LY9: variants seen among roughly 807,000 people sequenced by gnomAD.
The protein encoded by LY9 is T-lymphocyte surface antigen Ly-9.
Under a neutral mutation model 64.6 loss-of-function variants are expected in LY9, and 59 were observed. That is an observed-to-expected ratio of 0.91 (90% confidence interval 0.74 to 1.13). The LOEUF is 1.13. LY9 is among the 50% of genes most tolerant of loss of function. The pLI, the probability that LY9 is intolerant of heterozygous loss-of-function variation, is 0.00. For synonymous variants in LY9, 281 were observed against 308.5 expected, an observed-to-expected ratio of 0.91 and a Z score of 0.93; for missense variants, 789 against 797.2, an observed-to-expected ratio of 0.99 and a Z score of 0.12.
intron 4 of LY9, among the ~76,000 whole-genome samples, chr1:160,815,810 C>A (rs1318248376): frequency 6.6e-6 from 1 of 152,218 alleles, no homozygotes; most frequent in Non-Finnish European, 1.5e-5. Context: ...AGAAGGTGGG[C>A]CACTCAGTTC....
At chr1:160,826,429 T>C (rs1303936798) in intron 9 of LY9, among the ~76,000 whole-genome samples, 3 of 152,244 alleles carry the variant, frequency 2.0e-5, no homozygotes, top group African/African-American at 7.2e-5. Context: ...TTATGCCTGG[T>C]GTTCCATTAT....
At chr1:160,820,560 G>A (rs1211787847) in intron 7 of LY9, among the ~76,000 whole-genome samples, 3 of 152,150 alleles carry the variant, frequency 2.0e-5, no homozygotes, top group African/African-American at 7.2e-5. Context: ...AAGAGACAGG[G>A]GGCAAGGAAG....
At chr1:160,823,401 G>T (rs772091766) in intron 7 of LY9, 64 bp from the exon 8 acceptor site, 2 of 1,312,070 alleles carry the variant, frequency 1.5e-6, no homozygotes, top group Non-Finnish European at 1.1e-6. Context: ...CTGGGGCCTT[G>T]CAGCAAAGCA....
rs201757769 is a variant in LY9, at chr1:160,813,831, A to G, written c.650A>G (p.Asp217Gly). The change falls in exon 3 of 10, where the codon GAC becomes GGC. Residue 217 changes from aspartate to glycine, a missense_variant. By Grantham distance (94) the Asp-to-Gly change is moderately conservative. Coordinates refer to ENST00000263285, the MANE Select transcript of LY9 (RefSeq NM_002348.4). ...LTVSRTPCDP[D>G]LPYICTAQNP... is the part of the protein sequence containing the mutation. ...GTCTCCCGAACACCATGTGACCCAG[A>G]CCTGCCATACATCTGCACAGCCCAG... 1.9e-6 allele frequency: 3 copies of G among 1,613,320 alleles called. No individual in the cohort carries two copies. In the African/African-American group the frequency reaches 4.0e-5, roughly 22 times the overall value.
At position 160,796,252 on chromosome 1, in the gene LY9, G is replaced by A. The variant is rs752422584; in HGVS notation, c.65G>A (p.Arg22Lys). The A allele has an allele frequency of 6.2e-7, 1 of 1,614,028 alleles. No homozygotes were observed. The highest frequency in any genetic ancestry group is 8.5e-7 in the Non-Finnish European group (1 of 1,180,000). ...APGPFSSKPQ[R>K]SQLQIFSSVL... ...GGGCCTTTCTCCAGTAAGCCACAGAGGAGTCAGCTGCAAATATTCTCTTCT... is the reference window on the plus strand; with the variant it reads ...GGGCCTTTCTCCAGTAAGCCACAGAAGAGTCAGCTGCAAATATTCTCTTCT... The change falls in exon 1 of 10, where the codon AGG becomes AAG. Residue 22 changes from arginine to lysine, a missense_variant. Transcript: ENST00000263285.
intron 1 of LY9, chr1:160,799,434 G>C: frequency 3.8e-6 from 1 of 264,592 alleles, no homozygotes; most frequent in East Asian, 8.4e-5. Flanking sequence ...GCAGGTATGA[G>C]CATTTCAATC....
chr1:160,813,836 CCATACAT>C lies in LY9; in HGVS notation c.657_663del (p.Tyr220AlafsTer37). ...CCGAACACCATGTGACCCAGACCTG[CCATACAT>C]CTGCACAGCCCAGAACCCCGTCAGC... is the stretch of plus-strand genomic sequence containing the variant. On this transcript the variant is annotated frameshift_variant, in exon 3 of 10. Coordinates refer to ENST00000263285, the MANE Select transcript of LY9 (RefSeq NM_002348.4). LOFTEE classifies it high-confidence loss of function. The C allele has an allele frequency of 6.2e-7, 1 of 1,614,212 alleles. No homozygotes were observed. The highest frequency in any genetic ancestry group is 1.1e-5 in the South Asian group (1 of 91,090).
In LY9 at chr1:160,827,735, T is replaced by C. The variant is rs1239837202; in HGVS notation, c.1900-13T>C. 6.2e-7 allele frequency: 1 copy of C among 1,600,060 alleles called. No individual in the cohort carries two copies. The stretch of plus-strand genomic sequence containing the variant: ...TTATTAACCATATTCTTTTGTGGAT[T>C]TTTGGCTCACAGGTGGTGCCACCAC... On this transcript the variant is annotated splice_polypyrimidine_tract_variant and intron_variant, in intron 9 of 9. Coordinates refer to ENST00000263285, the MANE Select transcript of LY9 (RefSeq NM_002348.4).
At chr1:160,797,848 T>C (rs1181750221) in intron 1 of LY9, among the ~76,000 whole-genome samples, 2 of 115,870 alleles carry the variant, frequency 1.7e-5, no homozygotes, top group Non-Finnish European at 3.5e-5. Context: ...CTCTTACAGA[T>C]TGTAGATGAT....
intron 4 of LY9, 78 bp downstream of exon 4, chr1:160,814,839 G>C (rs772329829): frequency 1.7e-6 from 2 of 1,195,204 alleles, no homozygotes. Context: ...TCCACCTTCC[G>C]CTTCTCCAAG....
In LY9 at chr1:160,814,402, T is replaced by A. The variant is rs199790311; in HGVS notation, c.731-18T>A. ...AGGGACAGTGACTGAAGCTGCAATG[T>A]CTCATCTGTGACCCCAGATCCAGGA... is the stretch of plus-strand genomic sequence containing the variant. On this transcript the variant is annotated intron_variant, in intron 3 of 9. Transcript: ENST00000263285. 6 of 1,575,268 alleles carry A rather than the reference T, an allele frequency of 3.8e-6. No individual in the cohort carries two copies. The highest frequency in any genetic ancestry group is 1.7e-4 in the Middle Eastern group (1 of 5,756).
Position 160,814,526 on chromosome 1 carries a change from G to T in LY9, c.837G>T (p.Lys279Asn), listed in dbSNP as rs1023088489. 6.2e-7 allele frequency: 1 copy of T among 1,614,170 alleles called. No individual in the cohort carries two copies. The highest frequency in any genetic ancestry group is 1.7e-5 in the Admixed American group (1 of 60,022). Residue 279 changes from lysine (K) to asparagine (N), a missense_variant, in exon 4 of 10, where the codon AAG becomes AAT. Lys to Asn is a moderately conservative substitution (Grantham distance 94). Coordinates refer to ENST00000263285, the MANE Select transcript of LY9 (RefSeq NM_002348.4). Reference sequence around the variant, plus strand: ...TCCCAGCCTGCCGGGACACAGAGAAGGTTGTCTGGTTGTTTAACACATCCA... The same window carrying T: ...TCCCAGCCTGCCGGGACACAGAGAATGTTGTCTGGTTGTTTAACACATCCA... ...LALPACRDTEKVVWLFNTSII... is the reference protein window; with the variant it reads ...LALPACRDTENVVWLFNTSII...
intron 7 of LY9, 89 bp from the exon 8 acceptor site, chr1:160,823,376 A>C (rs866926594): frequency 4.5e-5 from 41 of 916,272 alleles, no homozygotes; most frequent in South Asian, 1.4e-4. Flanking sequence ...CATCTAATGC[A>C]GGCATCAGAG....
At chr1:160,802,713 T>TAAAC in intron 2 of LY9, 1 of 931,870 alleles carries the variant, frequency 1.1e-6, no homozygotes, top group Non-Finnish European at 1.3e-6. Flanking sequence ...AATAAATAAA[T>TAAAC]AAATAAATAA....
In LY9 at chr1:160,814,298, G is replaced by C. The variant is rs1558097167; in HGVS notation, c.731-122G>C. On this transcript the variant is annotated intron_variant, in intron 3 of 9. Transcript: ENST00000263285. ...GTAGCAGGCATGCCCCTCAGAGGAG[G>C]AGGCCAGGAGAAAGAGGAAGAGGAG... is the stretch of plus-strand genomic sequence containing the variant. 5.4e-6 allele frequency: 4 copies of C among 743,918 alleles called. No individual in the cohort carries two copies. In the East Asian group the frequency reaches 1.0e-4, roughly 19 times the overall value. The allele number at this position is 743,918 out of a possible 1,614,324, so 46.1% of individuals were successfully genotyped here.
chr1:160,816,514 T>C, intron 4 of LY9, 80 bp from the exon 5 acceptor site: 5 of 1,446,456 alleles, frequency 3.5e-6, no homozygotes, highest in Non-Finnish European at 4.7e-6. Context: ...GCTTCATGAA[T>C]ATATTTTCAA....
intron 7 of LY9, 74 bp from the exon 8 acceptor site, chr1:160,823,391 C>G (rs936883767): frequency 1.1e-5 from 13 of 1,169,428 alleles, no homozygotes; most frequent in Non-Finnish European, 1.6e-5. Context: ...TCAGAGCAGG[C>G]TGGGGCCTTG....
Position 160,816,883 on chromosome 1 carries a change from T to A in LY9, c.1342+20T>A. On this transcript the variant is annotated intron_variant, in intron 5 of 9. Transcript: ENST00000263285. ...GTTCAGGTTTCTCTCCATCTCTATT[T>A]ACTCAGGTCACAGGACCTTGGGGCC... The A allele has an allele frequency of 6.2e-7, 1 of 1,613,706 alleles. No homozygotes were observed. Among genetic ancestry groups the A allele is most frequent in the Non-Finnish European group, 8.5e-7 (1 of 1,179,652 alleles).
At chr1:160,802,667 C>T in intron 2 of LY9, 1 of 984,474 alleles carries the variant, frequency 1.0e-6, no homozygotes, top group Non-Finnish European at 1.2e-6. Flanking sequence ...TCAGCCTCCC[C>T]ACAATTAAAC....
Sources: gnomAD v4.1 joint callset for allele counts (sites outside exome capture counted in the v4.1 genomes callset) on GRCh38, gnomAD v4.1.1 for gene constraint, MANE v1.5 for transcripts, NCBI Gene and HGNC (gene_info 2026-07-23, HGNC 2026-07-21) for gene names.